PTPN21: variants seen among roughly 807,000 people sequenced by gnomAD.
PTPN21 encodes the protein protein tyrosine phosphatase non-receptor type 21.
PTPN21 carries 77 observed loss-of-function variants against 131.8 expected under a neutral mutation model. That is an observed-to-expected ratio of 0.58 (90% CI 0.49 to 0.71). The LOEUF is 0.71. Among genes scored for constraint, PTPN21 ranks in the 30% least tolerant of loss-of-function variants. The probability of loss-of-function intolerance (pLI) is 0.00; values close to 1 mark genes in which losing one functional copy is unlikely to be tolerated. For synonymous variants in PTPN21, 715 were observed against 621.3 expected (o/e 1.15, Z -2.24); for missense variants, 1,552 against 1,527.1 (o/e 1.02, Z -0.27).
At chr14:88,523,755 A>C (rs1044493981) in intron 2 of PTPN21, among the ~76,000 whole-genome samples, 3 of 128,788 alleles carry the variant, frequency 2.3e-5, no homozygotes, top group African/African-American at 2.8e-5. Context: ...ACACACACAC[A>C]CCCCTGCCCT....
At chr14:88,492,464 CCT>C (rs2140118151) in intron 10 of PTPN21, among the ~76,000 whole-genome samples, 1 of 152,282 alleles carries the variant, frequency 6.6e-6, no homozygotes, top group South Asian at 2.1e-4. Flanking sequence ...GTTCCTCCTC[CCT>C]GTCAGTGCTT....
chr14:88,541,108 A>G (rs2078699249), intron 2 of PTPN21, among the ~76,000 whole-genome samples: 1 of 152,188 alleles, frequency 6.6e-6, no homozygotes, highest in Non-Finnish European at 1.5e-5. Context: ...AACACTATAC[A>G]CCTTTTAATG....
At chr14:88,507,022 C>T (rs2078101884) in intron 4 of PTPN21, among the ~76,000 whole-genome samples, 1 of 151,818 alleles carries the variant, frequency 6.6e-6, no homozygotes, top group African/African-American at 2.4e-5. Flanking sequence ...GCACTCCAGC[C>T]TGGTCCATAG....
At chr14:88,471,473 C>G (rs960397311) in intron 15 of PTPN21, among the ~76,000 whole-genome samples, 1 of 152,156 alleles carries the variant, frequency 6.6e-6, no homozygotes, top group Non-Finnish European at 1.5e-5. Context: ...CTCTTAAATA[C>G]ATGGGACTGG....
chr14:88,547,831 T>C lies in PTPN21; in HGVS notation c.180+2407A>G, dbSNP rs557553595. Among the ~76,000 whole-genome samples the C allele has an allele frequency of 3.9e-5, 6 of 152,236 alleles. No homozygotes were observed. The South Asian group carries it at 8.3e-4, about 21-fold the overall frequency. On this transcript the variant is annotated intron_variant, in intron 2 of 18. Coordinates refer to ENST00000556564, the MANE Select transcript of PTPN21 (RefSeq NM_007039.4). The stretch of plus-strand genomic sequence containing the variant: ...TCCCCTGGAGAGCCTCATACCATCT[T>C]CTGGCTTTAATGAACTCACTTAGGC...
At chr14:88,489,729 A>G (rs1033665573) in intron 10 of PTPN21, among the ~76,000 whole-genome samples, 1 of 152,222 alleles carries the variant, frequency 6.6e-6, no homozygotes, top group South Asian at 2.1e-4. Flanking sequence ...ACACCTTTTG[A>G]GCTCACTATA....
chr14:88,528,712 C>T (rs528901785), intron 2 of PTPN21, among the ~76,000 whole-genome samples: 2 of 152,336 alleles, frequency 1.3e-5, no homozygotes, highest in South Asian at 2.1e-4. Flanking sequence ...CCATGTGAGA[C>T]GTGCCTTTCA....
chr14:88,467,664 A>G lies in PTPN21; in HGVS notation c.*473T>C, dbSNP rs1299474406. 6.5e-6 allele frequency: 1 copy of G among 154,010 alleles called. No homozygotes were observed. The highest frequency in any genetic ancestry group is 6.5e-5 in the Admixed American group (1 of 15,298). The allele number at this position is 154,010 out of a possible 1,614,324, so 9.5% of individuals were successfully genotyped here. A position where few individuals can be genotyped will look rare whatever the true frequency, so the allele number is the denominator to read the frequency against. ...ACATGATTTTTAAATACAAAGTTAT[A>G]TAGGAGCAACTCATATCTGTGGATC... is the stretch of plus-strand genomic sequence containing the variant. On this transcript the variant is annotated 3_prime_UTR_variant, in exon 19 of 19. Transcript: ENST00000556564.
intron 12 of PTPN21, among the ~76,000 whole-genome samples, chr14:88,483,588 A>T (rs2077685064): frequency 6.6e-6 from 1 of 151,988 alleles, no homozygotes; most frequent in Admixed American, 6.6e-5. Context: ...ATCACTCCCT[A>T]CCAGTTCCTT....
intron 4 of PTPN21, among the ~76,000 whole-genome samples, chr14:88,506,286 G>A (rs529242437): frequency 5.3e-5 from 8 of 152,200 alleles, no homozygotes; most frequent in South Asian, 4.2e-4. Flanking sequence ...GCTGCAGTGC[G>A]CCACGATCAC....
intron 3 of PTPN21, 121 bp from the exon 4 acceptor site, chr14:88,508,141 G>T: frequency 6.4e-6 from 3 of 469,750 alleles, no homozygotes; most frequent in Non-Finnish European, 7.3e-6. Context: ...ATCCCACATG[G>T]TTGTGTGTGT....
rs2078848910 is a variant in PTPN21, at chr14:88,550,462, C to A, written c.-45G>T. On this transcript the variant is annotated 5_prime_UTR_variant, in exon 2 of 19. Coordinates refer to ENST00000556564, the MANE Select transcript of PTPN21 (RefSeq NM_007039.4). The stretch of plus-strand genomic sequence containing the variant: ...TGGAGGAGCAAAGAGGGAAAAGCTA[C>A]CCCCACCAACCCAGCGCTGGTGACG... The A allele has an allele frequency of 6.4e-7, 1 of 1,559,520 alleles. No individual in the cohort carries two copies. The highest frequency in any genetic ancestry group is 2.2e-5 in the East Asian group (1 of 44,642).
chr14:88,528,682 CTCTCT>C (rs1346334454), intron 2 of PTPN21, among the ~76,000 whole-genome samples: 5 of 152,200 alleles, frequency 3.3e-5, no homozygotes, highest in South Asian at 4.1e-4. Flanking sequence ...CCTACACAAA[CTCTCT>C]TCTCTTGTCT....
intron 10 of PTPN21, among the ~76,000 whole-genome samples, chr14:88,495,206 G>A (rs2077892577): frequency 6.6e-6 from 1 of 152,090 alleles, no homozygotes; most frequent in African/African-American, 2.4e-5. Flanking sequence ...GTTAACACGA[G>A]TGGTAAAAAT....
At chr14:88,475,422 T>C (rs929822455) in intron 13 of PTPN21, among the ~76,000 whole-genome samples, 1 of 152,160 alleles carries the variant, frequency 6.6e-6, no homozygotes, top group African/African-American at 2.4e-5. Context: ...CATAATGCAG[T>C]CTAGACTATA....
At chr14:88,495,159 T>C (rs1006821577) in intron 10 of PTPN21, among the ~76,000 whole-genome samples, 1 of 151,082 alleles carries the variant, frequency 6.6e-6, no homozygotes, top group Non-Finnish European at 1.5e-5. Flanking sequence ...GCTACCTCAG[T>C]ATTCTGATGA....
chr14:88,523,685 A>G (rs1418899576), intron 2 of PTPN21, among the ~76,000 whole-genome samples: 1 of 151,384 alleles, frequency 6.6e-6, no homozygotes, highest in African/African-American at 2.4e-5. Context: ...TCCTAGACAA[A>G]GAAAATCCTC....
intron 10 of PTPN21, among the ~76,000 whole-genome samples, chr14:88,489,482 T>TA (rs1004631939): frequency 9.6e-5 from 14 of 145,440 alleles, no homozygotes; most frequent in East Asian, 4.0e-4. Flanking sequence ...TCTAAAAAAC[T>TA]AAAAAAAAAA....
At position 88,487,893 on chromosome 14, in the gene PTPN21, G is replaced by C. The variant is rs374534685; in HGVS notation, c.933-2051C>G. Reference sequence around the variant, plus strand: ...AGGCAGGAGAATCGCTTGAGCCAAGGGGGCGGAGGTTGCAGTGAGCCGAGA... The same window carrying C: ...AGGCAGGAGAATCGCTTGAGCCAAGCGGGCGGAGGTTGCAGTGAGCCGAGA... On this transcript the variant is annotated intron_variant, in intron 10 of 18. Transcript: ENST00000556564. Among the ~76,000 whole-genome samples the C allele has an allele frequency of 4.4e-3, 662 of 151,650 alleles. 4 individuals are homozygous for C. The highest frequency in any genetic ancestry group is 0.031 in the South Asian group (150 of 4,770).
Sources: gnomAD v4.1 joint callset for allele counts (sites outside exome capture counted in the v4.1 genomes callset) on GRCh38, gnomAD v4.1.1 for gene constraint, MANE v1.5 for transcripts, NCBI Gene and HGNC (gene_info 2026-07-23, HGNC 2026-07-21) for gene names.